CPNE9: variants seen among roughly 807,000 people sequenced by gnomAD.
The protein encoded by CPNE9 is copine-9.
CPNE9 carries 59 observed loss-of-function variants against 83.0 expected under a neutral mutation model. The ratio of observed to expected loss-of-function variants is 0.71; its 90% CI spans 0.58 to 0.88. CPNE9 has a LOEUF of 0.88. Ranked by LOEUF, CPNE9 falls within the 40% of genes least tolerant of loss-of-function variation. CPNE9 has a pLI of 0.00. For missense variants in CPNE9, 619 were observed against 720.8 expected (o/e 0.86, Z 1.62); for synonymous variants, 256 against 273.4 (o/e 0.94, Z 0.63).
Position 9,729,489 on chromosome 3 carries a change from T to G in CPNE9, c.1477-18T>G, listed in dbSNP as rs771200890. 6.2e-7 allele frequency: 1 copy of G among 1,601,260 alleles called. No homozygotes were observed. Among genetic ancestry groups the G allele is most frequent in the Non-Finnish European group, 8.5e-7 (1 of 1,170,348 alleles). ...CTCCTGGTCATGGCTTATCTCTTCT[T>G]GTCTGTGCCTGACCCAGTTCGTCCC... On this transcript the variant is annotated intron_variant, in intron 20 of 20. Coordinates refer to ENST00000383832, the MANE Select transcript of CPNE9 (RefSeq NM_153635.3).
At chr3:9,714,891 T>A in intron 10 of CPNE9, 23 bp from the exon 11 acceptor site, 1 of 1,607,624 alleles carries the variant, frequency 6.2e-7, no homozygotes, top group African/African-American at 1.3e-5. Context: ...ACACCTAGGG[T>A]ATGTTTATCT....
chr3:9,707,771 CTG>C (rs1238755946), intron 7 of CPNE9, among the ~76,000 whole-genome samples: 2 of 133,338 alleles, frequency 1.5e-5, no homozygotes, highest in African/African-American at 5.7e-5. Context: ...CAGAGTGAGA[CTG>C]TCTGTGGACA....
intron 5 of CPNE9, 58 bp from the exon 6 acceptor site, chr3:9,705,660 C>A: frequency 6.2e-7 from 1 of 1,609,404 alleles, no homozygotes; most frequent in Non-Finnish European, 8.5e-7. Flanking sequence ...AGTGTCCTGC[C>A]TGTGCCCCCT....
chr3:9,705,673 T>C, intron 5 of CPNE9, 45 bp from the exon 6 acceptor site: 1 of 1,613,184 alleles, frequency 6.2e-7, no homozygotes, highest in Non-Finnish European at 8.5e-7. Context: ...TGCCCCCTAC[T>C]CACTGTTCCT....
chr3:9,725,666 A>G (rs571824708), intron 17 of CPNE9, among the ~76,000 whole-genome samples: 79 of 40,688 alleles, frequency 1.9e-3, no homozygotes, highest in African/African-American at 0.011. Flanking sequence ...GTATATATGT[A>G]TATATATGTG....
At chr3:9,705,777 AG>A in intron 6 of CPNE9, 57 bp downstream of exon 6, 1 of 1,580,810 alleles carries the variant, frequency 6.3e-7, no homozygotes, top group Non-Finnish European at 8.7e-7. Flanking sequence ...TGTGGAGAAC[AG>A]GCTTGGACTG....
intron 17 of CPNE9, among the ~76,000 whole-genome samples, chr3:9,724,366 C>T (rs889228952): frequency 9.2e-5 from 14 of 151,806 alleles, no homozygotes; most frequent in African/African-American, 3.1e-4. Flanking sequence ...GCAGCCCAGG[C>T]GATGAGATGT....
intron 20 of CPNE9, among the ~76,000 whole-genome samples, chr3:9,729,059 C>A (rs774855637): frequency 1.3e-5 from 2 of 152,124 alleles, no homozygotes; most frequent in Admixed American, 6.5e-5. Context: ...GTTTAGAGAG[C>A]AGATAGACCC....
chr3:9,706,141 A>C, intron 7 of CPNE9, 78 bp downstream of exon 7: 1 of 1,435,426 alleles, frequency 7.0e-7, no homozygotes, highest in Non-Finnish European at 9.7e-7. Context: ...GCTGACTGAT[A>C]GAAGTGGAGG....
chr3:9,726,176 C>T, intron 18 of CPNE9, 125 bp downstream of exon 18: 2 of 590,030 alleles, frequency 3.4e-6, no homozygotes, highest in Non-Finnish European at 6.0e-6. Flanking sequence ...GCAGAAGACA[C>T]AAGACTCTTG....
chr3:9,729,089 G>T (rs753585909), intron 20 of CPNE9, among the ~76,000 whole-genome samples: 2 of 152,066 alleles, frequency 1.3e-5, no homozygotes, highest in Non-Finnish European at 2.9e-5. Context: ...GTGGTGGGAG[G>T]GGGGAGCTTC....
intron 10 of CPNE9, among the ~76,000 whole-genome samples, chr3:9,714,488 C>G (rs1481946607): frequency 6.6e-6 from 1 of 150,822 alleles, no homozygotes; most frequent in Non-Finnish European, 1.5e-5. Flanking sequence ...GAGATCTTAG[C>G]CAAATTACTT....
Position 9,727,959 on chromosome 3 carries a change from CTT to C in CPNE9, c.1476+774_1476+775del, listed in dbSNP as rs368202216. Among the ~76,000 whole-genome samples, 266 of 152,176 alleles carry C rather than the reference CTT, an allele frequency of 1.7e-3. 3 individuals carry two copies. Among genetic ancestry groups the C allele is most frequent in the Admixed American group, 0.01 (153 of 15,292 alleles). On this transcript the variant is annotated intron_variant, in intron 20 of 20. Coordinates refer to ENST00000383832, the MANE Select transcript of CPNE9 (RefSeq NM_153635.3). ...TATTTAAGAAGAAAATTTTACAAGACTTGATGATTAGATGATGACAGGGAGTG... is the reference window on the plus strand; with the variant it reads ...TATTTAAGAAGAAAATTTTACAAGACGATGATTAGATGATGACAGGGAGTG...
chr3:9,715,095 C>A (rs1241598378), intron 11 of CPNE9, 140 bp downstream of exon 11: 1 of 913,468 alleles, frequency 1.1e-6, no homozygotes, highest in Non-Finnish European at 1.7e-6. Context: ...TTGGGTACAA[C>A]TGATCCCCCC....
intron 17 of CPNE9, among the ~76,000 whole-genome samples, chr3:9,723,248 G>A (rs183747765): frequency 2.8e-3 from 424 of 152,260 alleles, no homozygotes; most frequent in Non-Finnish European, 4.4e-3. Context: ...GAGGCGGGCG[G>A]ATCACTTGAG....
rs1032044143 is a variant in CPNE9 at position 9,704,312 on chromosome 3, C to A, written c.68+248C>A. On this transcript the variant is annotated intron_variant, in intron 1 of 20. Coordinates refer to ENST00000383832, the MANE Select transcript of CPNE9 (RefSeq NM_153635.3). This position sits in a 1 kb window ranked among gnomAD's most constrained non-coding sequence, Gnocchi z 7.1. ...TCGCAGATATCCGGTAGGAGCTCGG[C>A]CCCAGGAGGACAAAGTTCTGGGGCG... Among the ~76,000 whole-genome samples, 1 of 152,228 alleles carries A rather than the reference C, an allele frequency of 6.6e-6. No individual in the cohort carries two copies. Among genetic ancestry groups the A allele is most frequent in the Admixed American group, 6.5e-5 (1 of 15,290 alleles).
intron 10 of CPNE9, among the ~76,000 whole-genome samples, chr3:9,714,132 G>C (rs2076655971): frequency 6.6e-6 from 1 of 152,136 alleles, no homozygotes. Context: ...GTGGAAGAAT[G>C]GATGGGCACA....
intron 17 of CPNE9, among the ~76,000 whole-genome samples, chr3:9,720,141 C>T (rs951385016): frequency 4.6e-5 from 7 of 151,640 alleles, no homozygotes; most frequent in Admixed American, 6.6e-5. Flanking sequence ...TAAAATCAAA[C>T]ATATGTCAAT....
Position 9,720,201 on chromosome 3 carries a change from T to C in CPNE9, c.1241+1599T>C, listed in dbSNP as rs143645230. Among the ~76,000 whole-genome samples, 426 of 151,976 alleles carry C rather than the reference T, an allele frequency of 2.8e-3. 3 individuals are homozygous for C. Among genetic ancestry groups the C allele is most frequent in the African/African-American group, 9.9e-3 (410 of 41,496 alleles). ...CTTAAAAAAGAAAAAGATTATTTGA[T>C]TGAACAAAAAATAAGCAAACCCCAC... is the stretch of plus-strand genomic sequence containing the variant. On this transcript the variant is annotated intron_variant, in intron 17 of 20. Transcript: ENST00000383832.
Sources: allele counts gnomAD v4.1 joint callset (sites outside exome capture counted in the v4.1 genomes callset), GRCh38; gene constraint gnomAD v4.1.1; non-coding constraint Gnocchi (gnomAD v3.1); transcripts MANE v1.5; gene names NCBI Gene and HGNC (gene_info 2026-07-23, HGNC 2026-07-21).